The following SEPTIN9 variants were observed in gnomAD, a reference collection of about 807,000 sequenced individuals.
The protein encoded by SEPTIN9 is septin 9.
Under a neutral mutation model 56.6 loss-of-function variants are expected in SEPTIN9, and 13 were observed. The observed-to-expected ratio is 0.23, with a 90% CI of 0.15 to 0.37. SEPTIN9 has a LOEUF of 0.37. SEPTIN9 is among the 10% of genes least tolerant of loss of function. SEPTIN9 has a pLI of 1.00. For missense variants in SEPTIN9, 650 were observed against 823.1 expected, an observed-to-expected ratio of 0.79 and a Z score of 2.57; for synonymous variants, 332 against 334.1, an observed-to-expected ratio of 0.99 and a Z score of 0.07.
In SEPTIN9 at chr17:77,409,151, C is replaced by T. The variant is rs1448074361; in HGVS notation, c.721+6448C>T. On this transcript the variant is annotated intron_variant, in intron 3 of 11. Coordinates refer to ENST00000427177, the MANE Select transcript of SEPTIN9 (RefSeq NM_001113491.2). ...TCCTGAGCTGCTTGCAGAGGGCACC[C>T]AGGTCCCCTTTTACTTTGGGATTGG... Among the ~76,000 whole-genome samples, 3 of 152,130 alleles carry T rather than the reference C, an allele frequency of 2.0e-5. No individual in the cohort carries two copies. In the East Asian group the frequency reaches 5.8e-4, roughly 29 times the overall value.
intron 3 of SEPTIN9, chr17:77,427,096 C>CA (rs1227221756): frequency 6.6e-6 from 1 of 152,204 alleles, no homozygotes; most frequent in Admixed American, 6.5e-5. Flanking sequence ...GAGTCAGAGA[C>CA]AGAGGTCCCT....
At position 77,402,451 on chromosome 17, in the gene SEPTIN9, C is replaced by G; in HGVS notation, c.469C>G (p.Pro157Ala). ...GAGGACGGAGATCACCATCGTCAAA[C>G]CCCAGGAGTCAGCCCACCGGAGGAT... ...PRRTEITIVK[P>A]QESAHRRMEP... The change falls in exon 3 of 12, where the codon CCC becomes GCC. Residue 157 changes from proline (P) to alanine (A), a missense_variant. Pro to Ala is a conservative substitution (Grantham distance 27). Transcript: ENST00000427177. This position sits in a 1 kb window ranked among gnomAD's most constrained non-coding sequence, Gnocchi z 6.6. The G allele has an allele frequency of 6.2e-7, 1 of 1,610,092 alleles. No individual in the cohort carries two copies. Among genetic ancestry groups the G allele is most frequent in the Non-Finnish European group, 8.5e-7 (1 of 1,178,546 alleles).
chr17:77,475,709 G>A lies in SEPTIN9; in HGVS notation c.722-6435G>A. 1 of 1,613,472 alleles carries A rather than the reference G, an allele frequency of 6.2e-7. No homozygotes were observed. Among genetic ancestry groups the A allele is most frequent in the South Asian group, 1.1e-5 (1 of 91,092 alleles). On this transcript the variant is annotated intron_variant, in intron 3 of 11. Coordinates refer to ENST00000427177, the MANE Select transcript of SEPTIN9 (RefSeq NM_001113491.2). The surrounding 1 kb of genome is among the most constrained non-coding windows in gnomAD (Gnocchi z 4.6). Reference sequence around the variant, plus strand: ...GGCCGGGGTGGATGGAGGCAAGGAAGTCTTCGCCGGGGCAAGGGCACCAGC... The same window carrying A: ...GGCCGGGGTGGATGGAGGCAAGGAAATCTTCGCCGGGGCAAGGGCACCAGC...
At chr17:77,322,052 G>A (rs1317911752) in intron 2 of SEPTIN9, among the ~76,000 whole-genome samples, 1 of 152,214 alleles carries the variant, frequency 6.6e-6, no homozygotes, top group Non-Finnish European at 1.5e-5. Context: ...GCCCCAGGAG[G>A]ACGTCACTCC....
At chr17:77,399,872 G>A (rs312862) in intron 2 of SEPTIN9, among the ~76,000 whole-genome samples, 47,427 of 152,084 alleles carry the variant, frequency 0.31, 9,522 homozygotes, top group East Asian at 0.83. Flanking sequence ...GGGGCTCAGT[G>A]TCCTGCTGCC....
chr17:77,419,669 G>GCTGTGGCT (rs1682654464), intron 3 of SEPTIN9: 1 of 149,404 alleles, frequency 6.7e-6, no homozygotes, highest in African/African-American at 2.6e-5. Context: ...CCTGCCTTAG[G>GCTGTGGCT]CCGTGCCGGC....
intron 10 of SEPTIN9, chr17:77,496,960 C>A: frequency 2.7e-6 from 1 of 368,676 alleles, no homozygotes; most frequent in East Asian, 5.8e-5. Flanking sequence ...TCCCTGGTCA[C>A]CCCAGTGGTG....
chr17:77,298,220 T>G (rs2031899800), intron 1 of SEPTIN9, among the ~76,000 whole-genome samples: 1 of 152,212 alleles, frequency 6.6e-6, no homozygotes, highest in African/African-American at 2.4e-5. Context: ...ACATCACAAT[T>G]ACTAGGAATA....
At chr17:77,420,678 C>A (rs1432632792) in intron 3 of SEPTIN9, among the ~76,000 whole-genome samples, 2 of 152,282 alleles carry the variant, frequency 1.3e-5, no homozygotes, top group East Asian at 3.9e-4. Context: ...CATCTGTCTC[C>A]CACCCTCTCC....
intron 3 of SEPTIN9, among the ~76,000 whole-genome samples, chr17:77,457,080 C>T (rs1202019890): frequency 1.3e-5 from 2 of 152,204 alleles, no homozygotes; most frequent in East Asian, 3.8e-4. Flanking sequence ...CACCTGGGTC[C>T]AGCCTTTGCC....
Position 77,402,259 on chromosome 17 carries a change from G to T in SEPTIN9, c.277G>T (p.Val93Leu), listed in dbSNP as rs774560543. 181 of 1,612,920 alleles carry T rather than the reference G, an allele frequency of 1.1e-4. 2 individuals are homozygous for T. In the Admixed American group the frequency reaches 3.0e-3, roughly 27 times the overall value. The change falls in exon 3 of 12, where the codon GTG becomes TTG. Residue 93 changes from valine (V) to leucine (L), a missense_variant. Transcript: ENST00000427177. The surrounding 1 kb of genome is among the most constrained non-coding windows in gnomAD (Gnocchi z 6.6). ...CTCCCCCAAGGCGTCCCTGCGGAGGGTGGAGCTCTCGGGCCCCAAGGCGGC... is the reference window on the plus strand; with the variant it reads ...CTCCCCCAAGGCGTCCCTGCGGAGGTTGGAGCTCTCGGGCCCCAAGGCGGC... ...QRSPKASLRR[V>L]ELSGPKAAEP...
At chr17:77,397,607 C>T (rs1489684588) in intron 2 of SEPTIN9, among the ~76,000 whole-genome samples, 1 of 152,160 alleles carries the variant, frequency 6.6e-6, no homozygotes, top group Non-Finnish European at 1.5e-5. Flanking sequence ...CGTCCCTCCT[C>T]CTTGGGAGCT....
At chr17:77,485,001 AG>A (rs2039673773) in intron 4 of SEPTIN9, among the ~76,000 whole-genome samples, 1 of 1,136 alleles carries the variant, frequency 8.8e-4, no homozygotes, top group African/African-American at 5.9e-3. Context: ...ATGGTGGTGA[AG>A]GGGGTGATGG....
At position 77,316,768 on chromosome 17, in the gene SEPTIN9, G is replaced by A. The variant is rs372104163; in HGVS notation, c.76+9571G>A. Among the ~76,000 whole-genome samples the A allele has an allele frequency of 1.7e-4, 25 of 151,238 alleles. No homozygotes were observed. In the East Asian group the frequency reaches 3.7e-3, roughly 22 times the overall value. ...TTTTACCCAGCCAGGGTGCAGTAGT[G>A]CAATTATAGCTCACAGCAGCCTCGA... On this transcript the variant is annotated intron_variant, in intron 2 of 11. Transcript: ENST00000427177.
intron 2 of SEPTIN9, chr17:77,320,246 AG>A: frequency 6.2e-7 from 1 of 1,610,218 alleles, no homozygotes. Context: ...TGAGAGAGGG[AG>A]GGCGACGGGG....
intron 1 of SEPTIN9, 45 bp from the exon 2 acceptor site, chr17:77,307,096 C>G (rs553785667): frequency 2.5e-6 from 4 of 1,569,266 alleles, no homozygotes; most frequent in Non-Finnish European, 2.6e-6. Flanking sequence ...GGAGGGAGAG[C>G]GCCAGTGGCC....
At chr17:77,397,530 C>A (rs2035759241) in intron 2 of SEPTIN9, among the ~76,000 whole-genome samples, 1 of 152,166 alleles carries the variant, frequency 6.6e-6, no homozygotes, top group Admixed American at 6.5e-5. Flanking sequence ...GGTCACTAGT[C>A]AACCCTCTAC....
chr17:77,419,000 G>C (rs1347053109), intron 3 of SEPTIN9, among the ~76,000 whole-genome samples: 2 of 152,140 alleles, frequency 1.3e-5, no homozygotes, highest in Non-Finnish European at 2.9e-5. Context: ...CCATACCCTG[G>C]CCTCCCAAAG....
Position 77,487,004 on chromosome 17 carries a change from A to G in SEPTIN9, c.914-420A>G, listed in dbSNP as rs572737636. On this transcript the variant is annotated intron_variant, in intron 4 of 11. Coordinates refer to ENST00000427177, the MANE Select transcript of SEPTIN9 (RefSeq NM_001113491.2). This position sits in a 1 kb window ranked among gnomAD's most constrained non-coding sequence, Gnocchi z 4.3. ...GAACACCTGGGCTTTGGTTGCAACCACCCTGGTGAACTGCAGGAATCCCGG... is the reference window on the plus strand; with the variant it reads ...GAACACCTGGGCTTTGGTTGCAACCGCCCTGGTGAACTGCAGGAATCCCGG... Among the ~76,000 whole-genome samples, 5 of 152,248 alleles carry G rather than the reference A, an allele frequency of 3.3e-5. No individual in the cohort carries two copies. In the South Asian group the frequency reaches 8.3e-4, roughly 25 times the overall value.
Sources: gnomAD v4.1 joint callset for allele counts (sites outside exome capture counted in the v4.1 genomes callset) on GRCh38, gnomAD v4.1.1 for gene constraint, Gnocchi (gnomAD v3.1) non-coding constraint, MANE v1.5 for transcripts, NCBI Gene and HGNC (gene_info 2026-07-23, HGNC 2026-07-21) for gene names.